Variants in HS3ST1 observed in about 807,000 individuals in gnomAD.
The protein encoded by HS3ST1 is heparan sulfate-glucosamine 3-sulfotransferase 1.
Under a neutral mutation model 20.7 loss-of-function variants are expected in HS3ST1, and 8 were observed. The observed-to-expected ratio is 0.39, with a 90% CI of 0.23 to 0.70. The LOEUF is 0.70. Ranked by LOEUF, HS3ST1 falls within the 30% of genes least tolerant of loss-of-function variation. The pLI, the probability that HS3ST1 is intolerant of heterozygous loss-of-function variation, is 0.46. For missense variants in HS3ST1, 436 were observed against 423.4 expected, an observed-to-expected ratio of 1.03 and a Z score of -0.26; for synonymous variants, 205 against 190.4, an observed-to-expected ratio of 1.08 and a Z score of -0.63.
intron 1 of HS3ST1, among the ~76,000 whole-genome samples, chr4:11,406,785 A>G (rs998475571): frequency 2.6e-5 from 4 of 152,012 alleles, no homozygotes; most frequent in South Asian, 2.1e-4. Flanking sequence ...CAAGAATCCC[A>G]TGGTGTTGAG....
chr4:11,418,824 G>A (rs1718853425), intron 1 of HS3ST1, among the ~76,000 whole-genome samples: 1 of 152,188 alleles, frequency 6.6e-6, no homozygotes, highest in South Asian at 2.1e-4. Flanking sequence ...CATCTGTGAT[G>A]TTCAGCTGTC....
rs1577434419 is a variant in HS3ST1, at chr4:11,398,874, C to G, written c.*208G>C. 4.0e-6 allele frequency: 2 copies of G among 495,382 alleles called. No individual in the cohort carries two copies. Among genetic ancestry groups the G allele is most frequent in the East Asian group, 6.6e-5 (2 of 30,488 alleles). The allele number at this position is 495,382 out of a possible 1,614,324, so 30.7% of individuals were successfully genotyped here. Reference sequence around the variant, plus strand: ...AGACATATTACACAATGTTAACAACCATGAAAAACAATACAAAATGCCCTC... The same window carrying G: ...AGACATATTACACAATGTTAACAACGATGAAAAACAATACAAAATGCCCTC... On this transcript the variant is annotated 3_prime_UTR_variant, in exon 2 of 2. Transcript: ENST00000002596.
chr4:11,405,289 C>A (rs1718434539), intron 1 of HS3ST1, among the ~76,000 whole-genome samples: 1 of 152,192 alleles, frequency 6.6e-6, no homozygotes, highest in Middle Eastern at 3.2e-3. Flanking sequence ...GCCTGAGTTT[C>A]ATGAATTGAA....
chr4:11,414,371 A>G (rs1718715020), intron 1 of HS3ST1, among the ~76,000 whole-genome samples: 1 of 152,102 alleles, frequency 6.6e-6, no homozygotes, highest in African/African-American at 2.4e-5. Flanking sequence ...CTGAGTTTTC[A>G]AGACTTCCTG....
chr4:11,406,332 C>G (rs1214315973), intron 1 of HS3ST1, among the ~76,000 whole-genome samples: 1 of 152,200 alleles, frequency 6.6e-6, no homozygotes, highest in East Asian at 1.9e-4. Flanking sequence ...AGAATTCTTA[C>G]TGCTAACTGA....
At chr4:11,426,763 C>T (rs911682235) in intron 1 of HS3ST1, among the ~76,000 whole-genome samples, 1 of 152,254 alleles carries the variant, frequency 6.6e-6, no homozygotes, top group Non-Finnish European at 1.5e-5. Context: ...GTTAGATGGG[C>T]TAACCAAAAC....
intron 1 of HS3ST1, among the ~76,000 whole-genome samples, chr4:11,413,260 A>G (rs1221521162): frequency 6.6e-6 from 1 of 152,268 alleles, no homozygotes; most frequent in Admixed American, 6.5e-5. Context: ...ATGTGGTGGG[A>G]TAAGATTTCC....
intron 1 of HS3ST1, among the ~76,000 whole-genome samples, chr4:11,407,018 C>A (rs1372358847): frequency 2.0e-5 from 3 of 152,152 alleles, no homozygotes; most frequent in African/African-American, 7.2e-5. Flanking sequence ...ATTTTAGAAA[C>A]AATGAAATTG....
intron 1 of HS3ST1, among the ~76,000 whole-genome samples, chr4:11,410,664 C>T (rs926094541): frequency 2.6e-5 from 4 of 151,990 alleles, no homozygotes; most frequent in South Asian, 2.1e-4. Flanking sequence ...GAGGCCAAGG[C>T]GGGTAGAACA....
Position 11,398,747 on chromosome 4 carries a change from A to G in HS3ST1, c.*335T>C, listed in dbSNP as rs1419281840. 6 of 182,812 alleles carry G rather than the reference A, an allele frequency of 3.3e-5. No individual in the cohort carries two copies. The highest frequency in any genetic ancestry group is 9.4e-5 in the African/African-American group (4 of 42,540). The allele number at this position is 182,812 out of a possible 1,614,324, so 11.3% of individuals were successfully genotyped here. A position where few individuals can be genotyped will look rare whatever the true frequency, so the allele number is the denominator to read the frequency against. ...TGCAATGATTGCAACACAGACAGCT[A>G]TTTTGAGTTGGGGGCAAGTTAATTA... On this transcript the variant is annotated 3_prime_UTR_variant, in exon 2 of 2. Coordinates refer to ENST00000002596, the MANE Select transcript of HS3ST1 (RefSeq NM_005114.4).
In HS3ST1 at chr4:11,393,420, G is replaced by T. The variant is rs1183813508; in HGVS notation, c.*5662C>A. 1 of 152,130 alleles carries T rather than the reference G, an allele frequency of 6.6e-6. No individual in the cohort carries two copies. The highest frequency in any genetic ancestry group is 1.5e-5 in the Non-Finnish European group (1 of 68,026). 9.4% of individuals were successfully genotyped at this position (152,130 alleles called of 1,614,324 possible). ...TTCTCTGCTATATCTCATTTAATTG[G>T]AAGAATTCTAATAACTCCGTGGGTT... On this transcript the variant is annotated 3_prime_UTR_variant, in exon 2 of 2. Transcript: ENST00000002596.
intron 1 of HS3ST1, among the ~76,000 whole-genome samples, chr4:11,423,439 A>T (rs1301173722): frequency 1.3e-5 from 2 of 152,226 alleles, no homozygotes; most frequent in Non-Finnish European, 2.9e-5. Context: ...CTCCCTGGCT[A>T]ACAGCCTAAG....
At chr4:11,413,048 A>C (rs984172441) in intron 1 of HS3ST1, among the ~76,000 whole-genome samples, 3 of 152,170 alleles carry the variant, frequency 2.0e-5, no homozygotes, top group Non-Finnish European at 4.4e-5. Context: ...GAGGGCTCTC[A>C]CCAGAACCCA....
upstream of HS3ST1, among the ~76,000 whole-genome samples, chr4:11,431,933 G>C (rs1213294741): frequency 5.3e-5 from 8 of 152,122 alleles, no homozygotes; most frequent in Non-Finnish European, 1.0e-4. Context: ...GTTCTCACCT[G>C]ACTCCAAAGT....
chr4:11,398,284 C>T lies in HS3ST1; in HGVS notation c.*798G>A, dbSNP rs1300734357. The T allele has an allele frequency of 6.6e-6, 1 of 152,214 alleles. No homozygotes were observed. Among genetic ancestry groups the T allele is most frequent in the East Asian group, 1.9e-4 (1 of 5,204 alleles). 9.4% of individuals were successfully genotyped at this position (152,214 alleles called of 1,614,324 possible). ...AGGATGAAGACACGCATAGATTTCGCAGTTTCTCTTTTCTATTCTAATTGG... is the reference window on the plus strand; with the variant it reads ...AGGATGAAGACACGCATAGATTTCGTAGTTTCTCTTTTCTATTCTAATTGG... On this transcript the variant is annotated 3_prime_UTR_variant, in exon 2 of 2. Coordinates refer to ENST00000002596, the MANE Select transcript of HS3ST1 (RefSeq NM_005114.4).
chr4:11,418,040 G>A lies in HS3ST1; in HGVS notation c.-109+10659C>T, dbSNP rs192909313. On this transcript the variant is annotated intron_variant, in intron 1 of 1. Coordinates refer to ENST00000002596, the MANE Select transcript of HS3ST1 (RefSeq NM_005114.4). ...CTAGTTTTTGGCCAAGAGGACACAA[G>A]GGGAAAATATTCTGGCATTTGAGAA... 6.0e-4 allele frequency among the ~76,000 whole-genome samples: 91 copies of A among 152,306 alleles called. 1 individual carries two copies. The East Asian group carries it at 0.017, about 28-fold the overall frequency.
intron 1 of HS3ST1, among the ~76,000 whole-genome samples, chr4:11,406,657 G>A (rs9997190): frequency 0.013 from 1,950 of 152,262 alleles, 35 homozygotes; most frequent in African/African-American, 0.044. Flanking sequence ...CCTTTGAATG[G>A]TGATGCTTCC....
intron 1 of HS3ST1, among the ~76,000 whole-genome samples, chr4:11,415,752 A>T (rs1324882996): frequency 6.6e-6 from 1 of 152,262 alleles, no homozygotes; most frequent in East Asian, 1.9e-4. Context: ...TAAGATAATT[A>T]GCCTTTGTGC....
At chr4:11,423,478 A>G (rs1026796344) in intron 1 of HS3ST1, among the ~76,000 whole-genome samples, 3 of 152,174 alleles carry the variant, frequency 2.0e-5, no homozygotes, top group Non-Finnish European at 2.9e-5. Flanking sequence ...GATATTTCCT[A>G]TCACTTTCCT....
Sources: allele counts gnomAD v4.1 joint callset (sites outside exome capture counted in the v4.1 genomes callset), GRCh38; gene constraint gnomAD v4.1.1; transcripts MANE v1.5; gene names NCBI Gene and HGNC (gene_info 2026-07-23, HGNC 2026-07-21).